The following GCNT1 variants were observed in gnomAD, a reference collection of about 807,000 sequenced individuals.
GCNT1 encodes beta-1,3-galactosyl-O-glycosyl-glycoprotein beta-1,6-N-acetylglucosaminyltransferase.
In GCNT1, 16 loss-of-function variants were observed where a neutral mutation model predicts 26.2. The ratio of observed to expected loss-of-function variants is 0.61; its 90% CI spans 0.41 to 0.93. GCNT1 has a LOEUF of 0.93. Ranked by LOEUF, GCNT1 falls within the 40% of genes least tolerant of loss-of-function variation. The probability of loss-of-function intolerance (pLI) is 0.00; values close to 1 mark genes in which losing one functional copy is unlikely to be tolerated. For synonymous variants in GCNT1, 183 were observed against 190.8 expected (o/e 0.96, Z 0.34); for missense variants, 477 against 526.7 (o/e 0.91, Z 0.92).
At chr9:76,439,470 C>T (rs552676343), upstream of GCNT1, among the ~76,000 whole-genome samples, 4 of 152,074 alleles carry the variant, frequency 2.6e-5, no homozygotes, top group South Asian at 4.2e-4. Context: ...GGTGATCTGC[C>T]CAACTTGGCC....
intron 1 of GCNT1, among the ~76,000 whole-genome samples, chr9:76,433,665 C>T (rs1017850830): frequency 3.9e-5 from 6 of 152,210 alleles, no homozygotes; most frequent in Admixed American, 1.3e-4. Flanking sequence ...CACAGTTTGG[C>T]AGGCTGAGTG....
chr9:76,452,828 C>A (rs911420104), intron 1 of GCNT1, among the ~76,000 whole-genome samples: 1 of 152,132 alleles, frequency 6.6e-6, no homozygotes, highest in Admixed American at 6.5e-5. Context: ...GAAGGGCTCC[C>A]TACCCAGCTA....
the GCNT1 span, chr9:76,398,803 A>G: frequency 1.5e-6 from 2 of 1,326,624 alleles, no homozygotes; most frequent in Admixed American, 1.7e-5. Flanking sequence ...TCCAGATGGA[A>G]CAGTACATCT....
At chr9:76,453,411 A>G (rs1356732001) in intron 1 of GCNT1, among the ~76,000 whole-genome samples, 1 of 152,226 alleles carries the variant, frequency 6.6e-6, no homozygotes, top group East Asian at 1.9e-4. Context: ...AGCTGGTTTA[A>G]GGAGATCTCA....
chr9:76,474,938 G>T (rs1356674946), intron 2 of GCNT1, among the ~76,000 whole-genome samples: 1 of 152,114 alleles, frequency 6.6e-6, no homozygotes, highest in African/African-American at 2.4e-5. Context: ...CTGGAGGCTG[G>T]TTTTTTTGTT....
At chr9:76,496,534 C>T (rs1315355694) in intron 2 of GCNT1, among the ~76,000 whole-genome samples, 3 of 152,118 alleles carry the variant, frequency 2.0e-5, no homozygotes, top group African/African-American at 7.2e-5. Flanking sequence ...TCCATCTTCC[C>T]ACTCCATTAA....
At chr9:76,452,355 TA>T (rs1394177735) in intron 1 of GCNT1, among the ~76,000 whole-genome samples, 2 of 152,190 alleles carry the variant, frequency 1.3e-5, no homozygotes, top group African/African-American at 4.8e-5. Flanking sequence ...AAAATTTACA[TA>T]AGCTTTAAAT....
At chr9:76,446,526 C>T (rs1823580310) in intron 1 of GCNT1, among the ~76,000 whole-genome samples, 1 of 152,206 alleles carries the variant, frequency 6.6e-6, no homozygotes, top group Admixed American at 6.5e-5. Context: ...GACCTATCAA[C>T]TTTTTAAATG....
At chr9:76,417,111 C>T (rs1823139892), upstream of GCNT1, among the ~76,000 whole-genome samples, 1 of 152,146 alleles carries the variant, frequency 6.6e-6, no homozygotes, top group African/African-American at 2.4e-5. Flanking sequence ...TAAATCTAAA[C>T]AATGAGTTAA....
chr9:76,478,438 A>G lies in GCNT1; in HGVS notation c.-290+18261A>G, dbSNP rs146493352. On this transcript the variant is annotated intron_variant, in intron 2 of 3. Transcript: ENST00000376730. ...CGAACCCACGGGAAGGAAGAAACTC[A>G]GGACACATCTGAACATCTGAAGGAA... is the stretch of plus-strand genomic sequence containing the variant. Among the ~76,000 whole-genome samples, 33 of 152,320 alleles carry G rather than the reference A, an allele frequency of 2.2e-4. No individual in the cohort carries two copies. The East Asian group carries it at 5.6e-3, about 26-fold the overall frequency.
chr9:76,479,316 T>C (rs1228537394), intron 2 of GCNT1, among the ~76,000 whole-genome samples: 4 of 152,234 alleles, frequency 2.6e-5, no homozygotes. Context: ...GCAATAAACC[T>C]ACGTGTGCAT....
the GCNT1 span, chr9:76,398,667 T>G: frequency 9.5e-7 from 1 of 1,052,726 alleles, no homozygotes; most frequent in Non-Finnish European, 1.4e-6. Flanking sequence ...TTGTTCTGGA[T>G]TCCCGTCGTA....
upstream of GCNT1, among the ~76,000 whole-genome samples, chr9:76,455,253 T>C (rs1366119114): frequency 2.0e-5 from 3 of 152,156 alleles, no homozygotes; most frequent in African/African-American, 4.8e-5. Context: ...ATTCCAATGC[T>C]GGTTTAGGCT....
At chr9:76,439,421 C>T (rs1312231189), upstream of GCNT1, among the ~76,000 whole-genome samples, 3 of 152,022 alleles carry the variant, frequency 2.0e-5, no homozygotes, top group East Asian at 1.9e-4. Flanking sequence ...GATGGGGCTT[C>T]GCCATGTTGG....
In GCNT1 at chr9:76,498,861, T is replaced by C. The variant is rs1824983241; in HGVS notation, c.-289-2055T>C. On this transcript the variant is annotated intron_variant, in intron 2 of 3. Transcript: ENST00000376730. ...TTATCATCATAAATTAATGTAGCTG[T>C]CTTTTAAATCAGATGGGAAGAGAGT... Among the ~76,000 whole-genome samples, 3 of 152,100 alleles carry C rather than the reference T, an allele frequency of 2.0e-5. No individual in the cohort carries two copies. The South Asian group carries it at 6.2e-4, about 32-fold the overall frequency.
At chr9:76,471,056 C>T (rs866502872) in intron 2 of GCNT1, among the ~76,000 whole-genome samples, 8 of 152,350 alleles carry the variant, frequency 5.3e-5, no homozygotes, top group South Asian at 2.1e-4. Context: ...CTAACCAACA[C>T]AGTCCTTGTA....
At chr9:76,485,209 G>C (rs112186627) in intron 2 of GCNT1, among the ~76,000 whole-genome samples, 1 of 152,052 alleles carries the variant, frequency 6.6e-6, no homozygotes, top group Non-Finnish European at 1.5e-5. Context: ...GTCTCACTCC[G>C]TCACCCAGGC....
At chr9:76,458,623 A>G (rs1823802732), upstream of GCNT1, among the ~76,000 whole-genome samples, 1 of 152,182 alleles carries the variant, frequency 6.6e-6, no homozygotes, top group Non-Finnish European at 1.5e-5. Context: ...TGACACAAAG[A>G]TCTGTGCTAT....
At chr9:76,493,837 G>A (rs768887843) in intron 2 of GCNT1, among the ~76,000 whole-genome samples, 1 of 152,112 alleles carries the variant, frequency 6.6e-6, no homozygotes. Flanking sequence ...TACAGAAAAT[G>A]TCAAGCTGCA....
Sources: gnomAD v4.1 joint callset for allele counts (sites outside exome capture counted in the v4.1 genomes callset) on GRCh38, gnomAD v4.1.1 for gene constraint, MANE v1.5 for transcripts, NCBI Gene and HGNC (gene_info 2026-07-23, HGNC 2026-07-21) for gene names.